Variants in EIF2A observed in about 807,000 individuals in gnomAD.
The protein encoded by EIF2A is 65 kDa eukaryotic translation initiation factor 2A.
A neutral mutation model predicts 75.2 loss-of-function variants in EIF2A; 62 were observed. That is an observed-to-expected ratio of 0.82 (90% CI 0.67 to 1.02). EIF2A has a LOEUF of 1.02. Ranked by LOEUF, EIF2A falls within the 50% of genes least tolerant of loss-of-function variation. The pLI is 0.00. For missense variants in EIF2A, 611 were observed against 677.7 expected, an observed-to-expected ratio of 0.90 and a Z score of 1.09; for synonymous variants, 207 against 239.0, an observed-to-expected ratio of 0.87 and a Z score of 1.23.
At chr3:150,578,145 C>T (rs1724974842) in intron 11 of EIF2A, among the ~76,000 whole-genome samples, 1 of 151,958 alleles carries the variant, frequency 6.6e-6, no homozygotes, top group African/African-American at 2.4e-5. Context: ...GAAACGCACT[C>T]AACTTAGAAT....
intron 9 of EIF2A, among the ~76,000 whole-genome samples, chr3:150,569,728 T>C (rs1724396136): frequency 6.6e-6 from 1 of 152,006 alleles, no homozygotes; most frequent in African/African-American, 2.4e-5. Flanking sequence ...GGCATGAGAA[T>C]TGCTTGAACC....
At chr3:150,550,437 GT>G (rs1418984870) in intron 1 of EIF2A, among the ~76,000 whole-genome samples, 2 of 152,082 alleles carry the variant, frequency 1.3e-5, no homozygotes, top group African/African-American at 4.8e-5. Flanking sequence ...CTGATTTTGT[GT>G]TTTTTTCTAA....
chr3:150,568,231 C>A lies in EIF2A; in HGVS notation c.750C>A (p.Tyr250Ter). The A allele has an allele frequency of 6.2e-7, 1 of 1,613,738 alleles. No individual in the cohort carries two copies. The highest frequency in any genetic ancestry group is 8.5e-7 in the Non-Finnish European group (1 of 1,179,784). The part of the protein sequence containing the change: ...STDVDKTGAS[Y>*]YGEQTLHYIA... ...ATGTTGACAAGACAGGAGCTTCCTA[C>A]TATGGAGAACAAACTCTACACTACA... The change falls in exon 9 of 14, where the codon TAC becomes TAA. Residue 250 changes from tyrosine to a stop codon, truncating the protein, a stop_gained. Coordinates refer to ENST00000460851, the MANE Select transcript of EIF2A (RefSeq NM_032025.5). LOFTEE classifies it high-confidence loss of function.
rs1235978485 is a variant in EIF2A at position 150,581,665 on chromosome 3, A to G, written c.1545A>G (p.Pro515=). 1 of 1,552,228 alleles carries G rather than the reference A, an allele frequency of 6.4e-7. No individual in the cohort carries two copies. The highest frequency in any genetic ancestry group is 2.4e-5 in the East Asian group (1 of 41,000). Residue 515 remains proline (P), a synonymous_variant, in exon 12 of 14, where the codon CCA becomes CCG. Transcript: ENST00000460851. ...CAGATTTGGCACCTACTCCTGCCCC[A>G]CAGAGCACACCACGAAACACTGTCT... The part of the protein sequence containing the change: ...KSPDLAPTPA[P]QSTPRNTVSQ...
intron 4 of EIF2A, 51 bp downstream of exon 4, chr3:150,562,711 G>A: frequency 2.9e-6 from 4 of 1,384,318 alleles, no homozygotes; most frequent in Non-Finnish European, 4.0e-6. Context: ...ATTACGTTTA[G>A]TGGGGGGGAA....
At chr3:150,566,388 T>C (rs1724185370) in intron 6 of EIF2A, 1 of 152,164 alleles carries the variant, frequency 6.6e-6, no homozygotes, top group Admixed American at 6.5e-5. Flanking sequence ...CTTGATCTCA[T>C]TGAAGGAAAC....
intron 1 of EIF2A, among the ~76,000 whole-genome samples, chr3:150,551,826 A>G (rs1480606253): frequency 1.3e-5 from 2 of 152,196 alleles, no homozygotes; most frequent in African/African-American, 4.8e-5. Context: ...TTTTTAGGCT[A>G]TTACTGTCAT....
chr3:150,566,259 C>T (rs1361605630), intron 6 of EIF2A: 1 of 152,154 alleles, frequency 6.6e-6, no homozygotes. Flanking sequence ...TTAATTTGTA[C>T]ATTTCTAACC....
At position 150,583,994 on chromosome 3, in the gene EIF2A, C is replaced by T; in HGVS notation, c.*83C>T. The stretch of plus-strand genomic sequence containing the variant: ...ACCCATTGGTATACACAGAATATTC[C>T]TGTGCCCACACTTAATGTCAATCTA... On this transcript the variant is annotated 3_prime_UTR_variant, in exon 14 of 14. Transcript: ENST00000460851. 4.7e-6 allele frequency: 6 copies of T among 1,280,164 alleles called. No homozygotes were observed. The highest frequency in any genetic ancestry group is 6.7e-6 in the Non-Finnish European group (6 of 900,084). 79.3% of individuals were successfully genotyped at this position (1,280,164 alleles called of 1,614,324 possible).
At chr3:150,546,922 T>A in intron 1 of EIF2A, 92 bp downstream of exon 1, 1 of 1,562,994 alleles carries the variant, frequency 6.4e-7, no homozygotes, top group Non-Finnish European at 8.7e-7. Flanking sequence ...AGCCGGGGAG[T>A]CTGATCTGCC....
chr3:150,567,573 G>GGAGA, intron 6 of EIF2A, 120 bp from the exon 7 acceptor site: 1 of 696,732 alleles, frequency 1.4e-6, no homozygotes, highest in Non-Finnish European at 2.4e-6. Context: ...CTCACCAGGA[G>GGAGA]GAGACTACAG....
chr3:150,578,181 CCA>C (rs1724976647), intron 11 of EIF2A, among the ~76,000 whole-genome samples: 1 of 151,672 alleles, frequency 6.6e-6, no homozygotes, highest in Non-Finnish European at 1.5e-5. Context: ...AAAGTTTCTT[CCA>C]CTTTATCAAA....
intron 7 of EIF2A, 57 bp downstream of exon 7, chr3:150,567,823 T>A (rs1724270580): frequency 6.4e-7 from 1 of 1,571,776 alleles, no homozygotes; most frequent in Admixed American, 2.0e-5. Context: ...TTCCTAGTTT[T>A]TTGTGATTGT....
At chr3:150,563,384 G>T in intron 4 of EIF2A, 131 bp from the exon 5 acceptor site, 1 of 629,118 alleles carries the variant, frequency 1.6e-6, no homozygotes, top group Non-Finnish European at 2.7e-6. Context: ...TATTTATTTT[G>T]GTAACACAGA....
In EIF2A at chr3:150,563,615, G is replaced by A; in HGVS notation, c.392+1G>A. 2 of 1,523,022 alleles carry A rather than the reference G, an allele frequency of 1.3e-6. No individual in the cohort carries two copies. Among genetic ancestry groups the A allele is most frequent in the Non-Finnish European group, 1.8e-6 (2 of 1,136,088 alleles). 94.3% of individuals were successfully genotyped at this position (1,523,022 alleles called of 1,614,324 possible). ...TCATCCAGAAAAAAATGCAAAATTG[G>A]TAAATAAATGGCTTAAAATACTAAT... On this transcript the variant is annotated splice_donor_variant, in intron 5 of 13. Transcript: ENST00000460851. LOFTEE classifies it high-confidence loss of function.
In EIF2A at chr3:150,572,374, C is replaced by T; in HGVS notation, c.1228C>T (p.Gln410Ter). The stretch of plus-strand genomic sequence containing the variant: ...TGTGCCATCAAATGCAGAATTATGG[C>T]AGGTTTCTTGGCAGCCATTTTTGGA... ...YDVPSNAELW[Q>*]VSWQPFLDGI... The change falls in exon 10 of 14, where the codon CAG (glutamine) becomes TAG (stop). Residue 410 changes from glutamine to a stop codon, truncating the protein, a stop_gained. Coordinates refer to ENST00000460851, the MANE Select transcript of EIF2A (RefSeq NM_032025.5). LOFTEE classifies it high-confidence loss of function. 2 of 1,613,942 alleles carry T rather than the reference C, an allele frequency of 1.2e-6. No homozygotes were observed. The highest frequency in any genetic ancestry group is 1.1e-5 in the South Asian group (1 of 91,086).
chr3:150,559,240 C>CTTGCTTT (rs1180906903), intron 3 of EIF2A, among the ~76,000 whole-genome samples: 3 of 152,118 alleles, frequency 2.0e-5, no homozygotes, highest in Non-Finnish European at 4.4e-5. Flanking sequence ...CCCATTAATA[C>CTTGCTTT]TTGCTTTTTA....
rs188368612 is a variant in EIF2A at position 150,579,670 on chromosome 3, G to A, written c.1498-1948G>A. Among the ~76,000 whole-genome samples the A allele has an allele frequency of 3.1e-3, 465 of 150,572 alleles. 1 individual carries two copies. The highest frequency in any genetic ancestry group is 3.3e-3 in the Non-Finnish European group (223 of 67,816). ...GTGGAGGTTGCAATGAGCTGGAATCGTGCCACTGCACTCCAGCCTAGACTC... is the reference window on the plus strand; with the variant it reads ...GTGGAGGTTGCAATGAGCTGGAATCATGCCACTGCACTCCAGCCTAGACTC... On this transcript the variant is annotated intron_variant, in intron 11 of 13. Coordinates refer to ENST00000460851, the MANE Select transcript of EIF2A (RefSeq NM_032025.5).
intron 2 of EIF2A, among the ~76,000 whole-genome samples, chr3:150,554,621 T>C (rs904385003): frequency 6.6e-6 from 1 of 152,222 alleles, no homozygotes; most frequent in African/African-American, 2.4e-5. Flanking sequence ...GTGATACTGA[T>C]GCTGCAAATC....
Sources: allele counts gnomAD v4.1 joint callset (sites outside exome capture counted in the v4.1 genomes callset), GRCh38; gene constraint gnomAD v4.1.1; transcripts MANE v1.5; gene names NCBI Gene and HGNC (gene_info 2026-07-23, HGNC 2026-07-21).